The following ELMO1 variants were observed in gnomAD, a reference collection of about 807,000 sequenced individuals.
ELMO1 encodes the protein engulfment and cell motility protein 1.
In ELMO1, 26 loss-of-function variants were observed where a neutral mutation model predicts 98.9. That is an observed-to-expected ratio of 0.26 (90% CI 0.19 to 0.36). ELMO1 has a LOEUF of 0.36. ELMO1 is among the 10% of genes least tolerant of loss of function. The probability of loss-of-function intolerance (pLI) is 1.00; values close to 1 mark genes in which losing one functional copy is unlikely to be tolerated. For synonymous variants in ELMO1, 346 were observed against 346.0 expected (o/e 1.00, Z 0.00); for missense variants, 627 against 935.2 (o/e 0.67, Z 4.30).
At chr7:37,335,009 A>T (rs547955517) in intron 2 of ELMO1, among the ~76,000 whole-genome samples, 92 of 152,338 alleles carry the variant, frequency 6.0e-4, no homozygotes, top group South Asian at 6.0e-3. Context: ...AGTAACGGAG[A>T]TCAATGTGAT....
At chr7:36,908,825 T>C (rs914116966) in intron 16 of ELMO1, among the ~76,000 whole-genome samples, 2 of 152,190 alleles carry the variant, frequency 1.3e-5, no homozygotes, top group Admixed American at 6.5e-5. Context: ...GTTGGGTGCA[T>C]ATAAAGCACC....
intron 13 of ELMO1, among the ~76,000 whole-genome samples, chr7:37,161,926 A>ATATATATATATATATATATATATATG (rs1789240779): frequency 9.5e-6 from 1 of 105,146 alleles, no homozygotes; most frequent in Non-Finnish European, 2.0e-5. Flanking sequence ...ATATATATAT[A>ATATATATATATATATATATATATATG]TATATATATG....
chr7:36,960,441 C>A (rs1241586138), intron 16 of ELMO1, among the ~76,000 whole-genome samples: 1 of 152,232 alleles, frequency 6.6e-6, no homozygotes, highest in Non-Finnish European at 1.5e-5. Flanking sequence ...AATAAACACA[C>A]CAAGCTTGCT....
At chr7:37,435,051 G>A (rs1254669262) in intron 1 of ELMO1, 1 of 152,204 alleles carries the variant, frequency 6.6e-6, no homozygotes, top group Non-Finnish European at 1.5e-5. Context: ...GGATCACCTA[G>A]TACACCACAT....
chr7:37,238,885 T>C (rs1187168254), intron 7 of ELMO1, among the ~76,000 whole-genome samples: 1 of 152,238 alleles, frequency 6.6e-6, no homozygotes, highest in Non-Finnish European at 1.5e-5. Context: ...AGATAAGCTC[T>C]TATTGATCAC....
intron 15 of ELMO1, among the ~76,000 whole-genome samples, chr7:37,091,178 ACTC>A (rs1784066838): frequency 6.6e-6 from 1 of 151,952 alleles, no homozygotes; most frequent in Non-Finnish European, 1.5e-5. Context: ...GGCAATATCG[ACTC>A]ACTGCAACCT....
chr7:36,960,963 G>A (rs769153207), intron 16 of ELMO1, among the ~76,000 whole-genome samples: 7 of 152,040 alleles, frequency 4.6e-5, no homozygotes, highest in Non-Finnish European at 7.4e-5. Context: ...GTCTCTGTAC[G>A]GGGGAGCTAT....
rs149813811 is a variant in ELMO1, at chr7:37,080,582, C to T, written c.1300+16037G>A. ...CATCCCAAGTAGCTGGGACTACAGG[C>T]GCCTGCCACCACGCCTAATTTTTTT... On this transcript the variant is annotated intron_variant, in intron 15 of 21. Transcript: ENST00000310758. 8.4e-3 allele frequency among the ~76,000 whole-genome samples: 1,260 copies of T among 149,308 alleles called. 6 individuals carry two copies. Among genetic ancestry groups the T allele is most frequent in the Middle Eastern group, 0.014 (4 of 292 alleles).
chr7:37,387,336 G>A (rs1802850796), intron 1 of ELMO1, among the ~76,000 whole-genome samples: 1 of 152,212 alleles, frequency 6.6e-6, no homozygotes, highest in African/African-American at 2.4e-5. Flanking sequence ...AAAGCACTAG[G>A]GAAGCGTCTG....
intron 16 of ELMO1, among the ~76,000 whole-genome samples, chr7:36,901,577 T>C (rs1356821995): frequency 6.6e-6 from 1 of 152,244 alleles, no homozygotes; most frequent in Admixed American, 6.5e-5. Flanking sequence ...CAATGCCTAG[T>C]GTAAAATGAA....
intron 13 of ELMO1, among the ~76,000 whole-genome samples, chr7:37,138,976 T>A (rs1306026097): frequency 6.6e-6 from 1 of 152,184 alleles, no homozygotes; most frequent in Non-Finnish European, 1.5e-5. Flanking sequence ...ACGAAAATCA[T>A]ATGATCATCT....
At chr7:37,164,046 AAT>A (rs1789441712) in intron 13 of ELMO1, among the ~76,000 whole-genome samples, 1 of 152,156 alleles carries the variant, frequency 6.6e-6, no homozygotes, top group South Asian at 2.1e-4. Context: ...GGTGTGAGAT[AAT>A]ATCCCATTGC....
rs61189239 is a variant in ELMO1 at position 37,155,503 on chromosome 7, A to AAAAAAT, written c.1087-22270_1087-22269insATTTTT. Among the ~76,000 whole-genome samples, 604 of 131,770 alleles carry AAAAAAT rather than the reference A, an allele frequency of 4.6e-3. 11 individuals are homozygous for AAAAAAT. Among genetic ancestry groups the AAAAAAT allele is most frequent in the Middle Eastern group, 8.1e-3 (2 of 248 alleles). The allele number at this position is 131,770 out of a possible 152,430, so 86.4% of individuals were successfully genotyped here. A position where few individuals can be genotyped will look rare whatever the true frequency, so the allele number is the denominator to read the frequency against. On this transcript the variant is annotated intron_variant, in intron 13 of 21. Coordinates refer to ENST00000310758, the MANE Select transcript of ELMO1 (RefSeq NM_014800.11). ...AACGGAAAGCAAAAAAAAAAAAAAA[A>AAAAAAT]AAAAAGCAGGTGTTGCAATCCTGGT...
At chr7:36,931,591 C>A (rs1451712509) in intron 16 of ELMO1, among the ~76,000 whole-genome samples, 2 of 152,174 alleles carry the variant, frequency 1.3e-5, no homozygotes, top group African/African-American at 4.8e-5. Flanking sequence ...CACAGCGAGA[C>A]TCCGTCTCAA....
At chr7:36,896,566 T>C (rs1008392608) in intron 16 of ELMO1, among the ~76,000 whole-genome samples, 1 of 152,244 alleles carries the variant, frequency 6.6e-6, no homozygotes, top group African/African-American at 2.4e-5. Context: ...GCTTTGAACC[T>C]GGGTTGCATC....
intron 14 of ELMO1, among the ~76,000 whole-genome samples, chr7:37,111,250 C>G (rs1462055045): frequency 6.6e-6 from 1 of 152,196 alleles, no homozygotes; most frequent in African/African-American, 2.4e-5. Flanking sequence ...ATGACTCACC[C>G]ATTGAAAAGA....
At chr7:37,370,806 C>T (rs1383372239) in intron 1 of ELMO1, among the ~76,000 whole-genome samples, 3 of 152,176 alleles carry the variant, frequency 2.0e-5, no homozygotes, top group Non-Finnish European at 4.4e-5. Flanking sequence ...CTTTCATGTA[C>T]TCCTGGTGAG....
chr7:37,063,620 T>A (rs1796784067), intron 15 of ELMO1, among the ~76,000 whole-genome samples: 1 of 152,162 alleles, frequency 6.6e-6, no homozygotes, highest in African/African-American at 2.4e-5. Context: ...GTCTTTCTCT[T>A]CATCACAGCT....
At chr7:37,258,837 A>T (rs1395340197) in intron 6 of ELMO1, among the ~76,000 whole-genome samples, 1 of 152,126 alleles carries the variant, frequency 6.6e-6, no homozygotes, top group African/African-American at 2.4e-5. Flanking sequence ...TTTCTTAGGG[A>T]TAGGCAACGA....
Sources: allele counts gnomAD v4.1 joint callset (sites outside exome capture counted in the v4.1 genomes callset), GRCh38; gene constraint gnomAD v4.1.1; transcripts MANE v1.5; gene names NCBI Gene and HGNC (gene_info 2026-07-23, HGNC 2026-07-21).